Variants in ATXN2 observed in about 807,000 individuals in gnomAD.
ATXN2 encodes ataxin 2, also known as ataxin-2.
ATXN2 carries 37 observed loss-of-function variants against 138.6 expected under a neutral mutation model. The observed-to-expected ratio is 0.27, with a 90% CI of 0.21 to 0.35. The LOEUF (loss-of-function observed/expected upper bound fraction) is 0.35. Ranked by LOEUF, ATXN2 falls within the 10% of genes least tolerant of loss-of-function variation. The pLI, the probability that ATXN2 is intolerant of heterozygous loss-of-function variation, is 1.00. For missense variants in ATXN2, 1,216 were observed against 1,480.3 expected (o/e 0.82, Z 2.93); for synonymous variants, 549 against 543.7 (o/e 1.01, Z -0.13).
chr12:111,596,291 T>A (rs1181783877), intron 1 of ATXN2, among the ~76,000 whole-genome samples: 1 of 151,680 alleles, frequency 6.6e-6, no homozygotes, highest in Admixed American at 6.6e-5. Flanking sequence ...GTGATTACAT[T>A]ATCTTTCCTA....
intron 1 of ATXN2, among the ~76,000 whole-genome samples, chr12:111,560,651 T>C (rs1234736787): frequency 6.6e-6 from 1 of 152,056 alleles, no homozygotes; most frequent in Non-Finnish European, 1.5e-5. Context: ...ATTCAGCCAG[T>C]CATTAGACAA....
chr12:111,545,393 C>T (rs1053924925), intron 5 of ATXN2, among the ~76,000 whole-genome samples: 1 of 151,202 alleles, frequency 6.6e-6, no homozygotes, highest in Non-Finnish European at 1.5e-5. Flanking sequence ...GTCAGGAGTT[C>T]GAGACCAGCC....
intron 1 of ATXN2, among the ~76,000 whole-genome samples, chr12:111,565,457 TAAAGAAA>T (rs1882945229): frequency 6.6e-6 from 1 of 152,172 alleles, no homozygotes; most frequent in Admixed American, 6.5e-5. Flanking sequence ...TTGTAAATAA[TAAAGAAA>T]AGATTGTATT....
chr12:111,508,909 A>AC (rs1446625810), intron 14 of ATXN2, among the ~76,000 whole-genome samples: 1 of 152,180 alleles, frequency 6.6e-6, no homozygotes, highest in African/African-American at 2.4e-5. Context: ...AGGAAAGGCT[A>AC]CCTTTGCCTT....
At chr12:111,476,672 G>A (rs1169688315) in intron 18 of ATXN2, among the ~76,000 whole-genome samples, 1 of 151,984 alleles carries the variant, frequency 6.6e-6, no homozygotes, top group Non-Finnish European at 1.5e-5. Flanking sequence ...AAATATTAAG[G>A]GATAAATTTA....
chr12:111,479,391 A>AT (rs1877053253), intron 18 of ATXN2, among the ~76,000 whole-genome samples: 1 of 58,206 alleles, frequency 1.7e-5, no homozygotes, highest in Admixed American at 1.8e-4. Flanking sequence ...CGTCTCTGCT[A>AT]AAAAAAAAAA....
At chr12:111,500,863 C>T (rs571136886) in intron 14 of ATXN2, among the ~76,000 whole-genome samples, 2 of 152,098 alleles carry the variant, frequency 1.3e-5, no homozygotes, top group South Asian at 4.2e-4. Flanking sequence ...CAGAGTGAGA[C>T]TCCGTCTAAA....
chr12:111,586,290 G>A (rs2135840464), intron 1 of ATXN2, among the ~76,000 whole-genome samples: 2 of 149,908 alleles, frequency 1.3e-5, no homozygotes, highest in South Asian at 4.2e-4. Context: ...GGCACAATCT[G>A]AGCTCACTGC....
chr12:111,527,063 A>G (rs1314786638), intron 5 of ATXN2, among the ~76,000 whole-genome samples: 3 of 152,220 alleles, frequency 2.0e-5, no homozygotes, highest in Admixed American at 1.3e-4. Context: ...AAGCAAATGT[A>G]GCATCCACAT....
At position 111,510,372 on chromosome 12, in the gene ATXN2, C is replaced by T; in HGVS notation, c.1756+13G>A. On this transcript the variant is annotated intron_variant, in intron 12 of 24. Transcript: ENST00000673436. ...AGCTGAGATTATGGATCCAGAAGCCCTTTGTTACATACCCTCACTAGAAGG... is the reference window on the plus strand; with the variant it reads ...AGCTGAGATTATGGATCCAGAAGCCTTTTGTTACATACCCTCACTAGAAGG... 6.2e-7 allele frequency: 1 copy of T among 1,611,360 alleles called. No individual in the cohort carries two copies. The highest frequency in any genetic ancestry group is 8.5e-7 in the Non-Finnish European group (1 of 1,178,142).
Position 111,453,746 on chromosome 12 carries a change from C to G in ATXN2, c.3370G>C (p.Ala1124Pro), listed in dbSNP as rs1052635821. The change falls in exon 24 of 25, where the codon GCT becomes CCT. Residue 1124 changes from alanine to proline, a missense_variant. Coordinates refer to ENST00000673436, the MANE Select transcript of ATXN2 (RefSeq NM_001372574.1). The surrounding 1 kb of genome is among the most constrained non-coding windows in gnomAD (Gnocchi z 5.4). ...GGAATGGGCTGTAGTGCACTTTGAG[C>G]GAGGGCGGCCTGGGGACCGCCGGGT... ...QPPGGPQAAL[A>P]QSALQPIPVS... 1.9e-6 allele frequency: 3 copies of G among 1,613,760 alleles called. No individual in the cohort carries two copies. In the African/African-American group the frequency reaches 4.0e-5, roughly 22 times the overall value.
At chr12:111,470,287 G>C in intron 19 of ATXN2, 47 bp from the exon 20 acceptor site, 2 of 1,585,252 alleles carry the variant, frequency 1.3e-6, no homozygotes, top group South Asian at 1.1e-5. Context: ...ACTGCAAATA[G>C]AGCCAAGCAG....
At chr12:111,573,025 T>A (rs1188968572) in intron 1 of ATXN2, among the ~76,000 whole-genome samples, 2 of 151,956 alleles carry the variant, frequency 1.3e-5, no homozygotes, top group African/African-American at 4.8e-5. Context: ...TTTATGATGT[T>A]GTTTCCAAAT....
chr12:111,474,653 T>C (rs1876666214), intron 18 of ATXN2, among the ~76,000 whole-genome samples: 1 of 152,106 alleles, frequency 6.6e-6, no homozygotes, highest in Non-Finnish European at 1.5e-5. Context: ...CACACTAAAA[T>C]GTTGGTGGAT....
intron 14 of ATXN2, among the ~76,000 whole-genome samples, chr12:111,497,281 T>C (rs1335561990): frequency 6.6e-6 from 1 of 152,200 alleles, no homozygotes; most frequent in Non-Finnish European, 1.5e-5. Flanking sequence ...GCTTCACTGC[T>C]GAATTCTACT....
chr12:111,480,920 C>T (rs907476596), intron 18 of ATXN2, among the ~76,000 whole-genome samples: 7 of 152,114 alleles, frequency 4.6e-5, no homozygotes, highest in Non-Finnish European at 8.8e-5. Flanking sequence ...GATATGACAT[C>T]AGGAGCAACA....
intron 1 of ATXN2, among the ~76,000 whole-genome samples, chr12:111,568,492 T>C (rs1883137717): frequency 1.3e-5 from 2 of 152,198 alleles, no homozygotes; most frequent in Non-Finnish European, 2.9e-5. Context: ...AAATATTTCA[T>C]TGATCCAGGT....
chr12:111,597,381 G>A (rs1483264531), intron 1 of ATXN2, among the ~76,000 whole-genome samples: 1 of 152,204 alleles, frequency 6.6e-6, no homozygotes, highest in Non-Finnish European at 1.5e-5. Flanking sequence ...ATTTAAGGAG[G>A]ACGCCGGTCA....
intron 21 of ATXN2, among the ~76,000 whole-genome samples, chr12:111,460,175 G>A (rs1236329591): frequency 1.3e-5 from 2 of 152,154 alleles, no homozygotes; most frequent in Non-Finnish European, 1.5e-5. Context: ...TCTGCCTCCC[G>A]GGTTCAAGCG....
Sources: gnomAD v4.1 joint callset for allele counts (sites outside exome capture counted in the v4.1 genomes callset) on GRCh38, gnomAD v4.1.1 for gene constraint, Gnocchi (gnomAD v3.1) non-coding constraint, MANE v1.5 for transcripts, NCBI Gene and HGNC (gene_info 2026-07-23, HGNC 2026-07-21) for gene names.